The following LRRN1 variants were observed in gnomAD, a reference collection of about 807,000 sequenced individuals.
The protein encoded by LRRN1 is leucine-rich repeat neuronal protein 1.
A neutral mutation model predicts 45.8 loss-of-function variants in LRRN1; 14 were observed. The observed-to-expected ratio is 0.31, with a 90% CI of 0.20 to 0.48. The LOEUF (loss-of-function observed/expected upper bound fraction) is 0.48, where lower values mean the gene tolerates loss of function less well. LRRN1 is among the 20% of genes least tolerant of loss of function. LRRN1 has a pLI of 0.99. For missense variants in LRRN1, 789 were observed against 874.2 expected, an observed-to-expected ratio of 0.90 and a Z score of 1.23; for synonymous variants, 359 against 330.1, an observed-to-expected ratio of 1.09 and a Z score of -0.95.
chr3:3,807,924 C>T (rs575195523), intron 1 of LRRN1, among the ~76,000 whole-genome samples: 3 of 152,308 alleles, frequency 2.0e-5, no homozygotes, highest in Admixed American at 1.3e-4. Context: ...CCAGCCTCCT[C>T]ACGTACTCAG....
chr3:3,827,618 C>A, intron 1 of LRRN1: 1 of 409,942 alleles, frequency 2.4e-6, no homozygotes, highest in Non-Finnish European at 4.9e-6. Flanking sequence ...TGCCATGGAT[C>A]TATTTGGAGC....
intron 1 of LRRN1, among the ~76,000 whole-genome samples, chr3:3,814,219 C>T (rs1386879843): frequency 3.4e-5 from 5 of 147,564 alleles, no homozygotes; most frequent in Non-Finnish European, 7.4e-5. Context: ...TGACATAGAG[C>T]TGGTGGATTC....
At chr3:3,810,629 C>G (rs1692852525) in intron 1 of LRRN1, among the ~76,000 whole-genome samples, 1 of 152,140 alleles carries the variant, frequency 6.6e-6, no homozygotes, top group African/African-American at 2.4e-5. Flanking sequence ...ATCACCTGAA[C>G]CCAGGAGATT....
intron 1 of LRRN1, among the ~76,000 whole-genome samples, chr3:3,835,584 A>ATTTTT (rs59300921): frequency 7.4e-6 from 1 of 135,258 alleles, no homozygotes; most frequent in Admixed American, 7.5e-5. Flanking sequence ...GAGCTGCCTG[A>ATTTTT]TTTTTTTTTT....
At chr3:3,806,251 G>A (rs974438208) in intron 1 of LRRN1, among the ~76,000 whole-genome samples, 9 of 152,202 alleles carry the variant, frequency 5.9e-5, no homozygotes, top group African/African-American at 2.2e-4. Context: ...TCTAGTCGGG[G>A]TTACAGAAAG....
chr3:3,829,778 G>A (rs905512510), intron 1 of LRRN1, among the ~76,000 whole-genome samples: 2 of 152,280 alleles, frequency 1.3e-5, no homozygotes, highest in Middle Eastern at 3.4e-3. Context: ...AAGGCTTTCC[G>A]TGAGTCCACA....
rs115061730 is a variant in LRRN1 at position 3,830,457 on chromosome 3, C to A, written c.-278-13907C>A. Among the ~76,000 whole-genome samples the A allele has an allele frequency of 6.7e-3, 1,026 of 152,356 alleles. 9 individuals are homozygous for A. Among genetic ancestry groups the A allele is most frequent in the African/African-American group, 0.023 (975 of 41,580 alleles). ...TCTGCCCACTGGGAAGATTACCCTC[C>A]ACCGCTGTCCTTTAGGGATGTCCTA... On this transcript the variant is annotated intron_variant, in intron 1 of 1. Transcript: ENST00000319331.
At chr3:3,843,100 G>C (rs113527585) in intron 1 of LRRN1, among the ~76,000 whole-genome samples, 105 of 152,296 alleles carry the variant, frequency 6.9e-4, no homozygotes, top group African/African-American at 2.3e-3. Context: ...ATGTGAGTCA[G>C]CTACTACACT....
intron 1 of LRRN1, among the ~76,000 whole-genome samples, chr3:3,820,214 A>G (rs1693074857): frequency 6.6e-6 from 1 of 152,196 alleles, no homozygotes; most frequent in Non-Finnish European, 1.5e-5. Context: ...GTGATCTAGA[A>G]ATGACATATA....
At chr3:3,828,436 A>G (rs1693279449) in intron 1 of LRRN1, among the ~76,000 whole-genome samples, 2 of 152,006 alleles carry the variant, frequency 1.3e-5, no homozygotes, top group Non-Finnish European at 2.9e-5. Flanking sequence ...CACCAGATTA[A>G]GGGTGGGTCT....
chr3:3,848,887 GTTCCC>G lies in LRRN1; in HGVS notation c.*2096_*2100del, dbSNP rs1306738237. 6.6e-6 allele frequency among the ~76,000 whole-genome samples: 1 copy of G among 152,180 alleles called. No homozygotes were observed. Among genetic ancestry groups the G allele is most frequent in the African/African-American group, 2.4e-5 (1 of 41,446 alleles). On this transcript the variant is annotated 3_prime_UTR_variant, in exon 2 of 2. Coordinates refer to ENST00000319331, the MANE Select transcript of LRRN1 (RefSeq NM_020873.7). ...CTTCAAAAATGCAGTACATCCTCAA[GTTCCC>G]ATTTACTCAGGATACATTTTAGCAC...
intron 1 of LRRN1, among the ~76,000 whole-genome samples, chr3:3,812,991 A>C (rs1372585612): frequency 6.6e-6 from 1 of 152,186 alleles, no homozygotes; most frequent in South Asian, 2.1e-4. Context: ...ATTGTAGTGA[A>C]CCTCTCATTA....
chr3:3,822,455 T>C (rs997797117), intron 1 of LRRN1, among the ~76,000 whole-genome samples: 2 of 152,232 alleles, frequency 1.3e-5, no homozygotes, highest in African/African-American at 4.8e-5. Context: ...CCTAAATCAC[T>C]GAGATGGATA....
At position 3,848,968 on chromosome 3, in the gene LRRN1, G is replaced by T. The variant is rs1287002517; in HGVS notation, c.*2176G>T. On this transcript the variant is annotated 3_prime_UTR_variant, in exon 2 of 2. Transcript: ENST00000319331. ...TGTTAGTATTGCAAAGTATGTATGGGAAACACAGAGAATTGGAGCTGCGTT... is the reference window on the plus strand; with the variant it reads ...TGTTAGTATTGCAAAGTATGTATGGTAAACACAGAGAATTGGAGCTGCGTT... 6.6e-6 allele frequency among the ~76,000 whole-genome samples: 1 copy of T among 152,208 alleles called. No individual in the cohort carries two copies. The highest frequency in any genetic ancestry group is 1.5e-5 in the Non-Finnish European group (1 of 68,050).
chr3:3,817,834 T>G (rs369802219), intron 1 of LRRN1, among the ~76,000 whole-genome samples: 9 of 152,338 alleles, frequency 5.9e-5, no homozygotes, highest in Admixed American at 1.3e-4. Flanking sequence ...GAAATGAATG[T>G]GAAAATGTTA....
At position 3,847,039 on chromosome 3, in the gene LRRN1, AT is replaced by A. The variant is rs1307614274; in HGVS notation, c.*248del. The A allele has an allele frequency of 1.6e-5, 5 of 306,318 alleles. No individual in the cohort carries two copies. Among genetic ancestry groups the A allele is most frequent in the Non-Finnish European group, 2.5e-5 (4 of 158,766 alleles). The allele number at this position is 306,318 out of a possible 1,614,324, so 19.0% of individuals were successfully genotyped here. ...TCTTATCATTATTATGATTGTTATTATATTATTATTTTATTTTAGTTGTTGT... is the reference window on the plus strand; with the variant it reads ...TCTTATCATTATTATGATTGTTATTAATTATTATTTTATTTTAGTTGTTGT... On this transcript the variant is annotated 3_prime_UTR_variant, in exon 2 of 2. Coordinates refer to ENST00000319331, the MANE Select transcript of LRRN1 (RefSeq NM_020873.7).
chr3:3,824,475 A>T (rs934151537), intron 1 of LRRN1, among the ~76,000 whole-genome samples: 1 of 152,134 alleles, frequency 6.6e-6, no homozygotes, highest in Non-Finnish European at 1.5e-5. Flanking sequence ...ACAGATCAAC[A>T]TTACAATCAA....
At chr3:3,834,525 GATATATATAT>G (rs71040093) in intron 1 of LRRN1, among the ~76,000 whole-genome samples, 334 of 27,330 alleles carry the variant, frequency 0.012, 51 homozygotes, top group Middle Eastern at 0.11. Context: ...GACAGAACAG[GATATATATAT>G]ATATATATAT....
At chr3:3,833,759 C>G (rs114977741) in intron 1 of LRRN1, among the ~76,000 whole-genome samples, 73 of 152,258 alleles carry the variant, frequency 4.8e-4, no homozygotes, top group Non-Finnish European at 7.8e-4. Context: ...GGCGGAAAGG[C>G]CTATGGCAGC....
Sources: allele counts gnomAD v4.1 joint callset (sites outside exome capture counted in the v4.1 genomes callset), GRCh38; gene constraint gnomAD v4.1.1; transcripts MANE v1.5; gene names NCBI Gene and HGNC (gene_info 2026-07-23, HGNC 2026-07-21).